The following UGT2B7 variants were observed in gnomAD, a reference collection of about 807,000 sequenced individuals.
The protein encoded by UGT2B7 is UDP-glucuronosyltransferase 2B7.
Under a neutral mutation model 51.9 loss-of-function variants are expected in UGT2B7, and 51 were observed. That is an observed-to-expected ratio of 0.98 (90% CI 0.78 to 1.24). The LOEUF (loss-of-function observed/expected upper bound fraction) is 1.24. Ranked by LOEUF, UGT2B7 falls within the 50% of genes most tolerant of loss-of-function variation. The probability of loss-of-function intolerance (pLI) is 0.00; values close to 1 mark genes in which losing one functional copy is unlikely to be tolerated. For synonymous variants in UGT2B7, 225 were observed against 211.6 expected (o/e 1.06, Z -0.55); for missense variants, 727 against 628.4 (o/e 1.16, Z -1.68).
intron 1 of UGT2B7, among the ~76,000 whole-genome samples, chr4:69,062,926 A>C (rs934527358): frequency 1.4e-4 from 21 of 152,178 alleles, no homozygotes; most frequent in African/African-American, 4.6e-4. Flanking sequence ...TTTACTGTTC[A>C]TGCTGGCTGT....
chr4:69,106,013 C>T (rs1379746199), intron 3 of UGT2B7, among the ~76,000 whole-genome samples: 5 of 151,944 alleles, frequency 3.3e-5, no homozygotes, highest in Admixed American at 2.6e-4. Context: ...AAAATTGTTA[C>T]TATTTTTTAC....
chr4:69,095,737 T>G (rs987063484), upstream of UGT2B7, among the ~76,000 whole-genome samples: 9 of 152,208 alleles, frequency 5.9e-5, no homozygotes, highest in Admixed American at 5.9e-4. Context: ...TAGTGTCATC[T>G]TGAAACTCTC....
chr4:69,072,958 A>C (rs1445348164), intron 1 of UGT2B7, among the ~76,000 whole-genome samples: 1 of 152,142 alleles, frequency 6.6e-6, no homozygotes, highest in Non-Finnish European at 1.5e-5. Flanking sequence ...TTCTTTTGAA[A>C]ATAACATTTT....
intron 1 of UGT2B7, among the ~76,000 whole-genome samples, chr4:69,054,118 A>T (rs550686339): frequency 6.6e-6 from 1 of 152,192 alleles, no homozygotes; most frequent in South Asian, 2.1e-4. Context: ...CATCTATTAC[A>T]ACCAACAGCA....
At chr4:69,109,171 C>T (rs902020557) in intron 5 of UGT2B7, among the ~76,000 whole-genome samples, 1 of 151,794 alleles carries the variant, frequency 6.6e-6, no homozygotes, top group African/African-American at 2.4e-5. Flanking sequence ...GTTCATTGGC[C>T]TTTTGATTGT....
intron 2 of UGT2B7, among the ~76,000 whole-genome samples, chr4:69,100,572 G>GA (rs1273120334): frequency 1.3e-5 from 2 of 151,826 alleles, no homozygotes; most frequent in African/African-American, 4.8e-5. Context: ...TAAGACTAAT[G>GA]AAAAATCTAT....
At chr4:69,062,730 G>A (rs934578326) in intron 1 of UGT2B7, among the ~76,000 whole-genome samples, 2 of 152,246 alleles carry the variant, frequency 1.3e-5, no homozygotes, top group Admixed American at 6.5e-5. Flanking sequence ...ATGCATGGTG[G>A]AAGCTTGAGA....
At chr4:69,057,359 C>G (rs1462883121) in intron 1 of UGT2B7, among the ~76,000 whole-genome samples, 2 of 152,164 alleles carry the variant, frequency 1.3e-5, no homozygotes, top group Non-Finnish European at 2.9e-5. Flanking sequence ...CGCACACTTG[C>G]ATGACTGTGC....
upstream of UGT2B7, among the ~76,000 whole-genome samples, chr4:69,095,186 T>C (rs1719188253): frequency 6.6e-6 from 1 of 152,204 alleles, no homozygotes; most frequent in Admixed American, 6.5e-5. Context: ...GTTTAATAAT[T>C]GCAGGGCACT....
rs764715261 is a variant in UGT2B7, at chr4:69,096,676, G to A, written c.156G>A (p.Glu52=). The change falls in exon 1 of 6, where the codon GAG becomes GAA. Residue 52 remains glutamate, a synonymous_variant. Coordinates refer to ENST00000305231, the MANE Select transcript of UGT2B7 (RefSeq NM_001074.4). ...ILDELIQRGH[E]VTVLASSASI... ...ATGAGCTTATTCAGAGAGGTCATGA[G>A]GTGACTGTACTGGCATCTTCAGCTT... The A allele has an allele frequency of 8.1e-6, 13 of 1,613,924 alleles. No homozygotes were observed. Among genetic ancestry groups the A allele is most frequent in the Middle Eastern group, 1.7e-4 (1 of 6,060 alleles).
Position 69,075,781 on chromosome 4 carries a change from T to C in UGT2B7, c.-158-13691T>C, listed in dbSNP as rs1416548713. ...AATAACTACAAGGATATTTCTTTAT[T>C]GTATTATGTTTATTATACTTTAAGT... On this transcript the variant is annotated intron_variant, in intron 1 of 5. Transcript: ENST00000502942. Among the ~76,000 whole-genome samples the C allele has an allele frequency of 2.0e-5, 3 of 152,182 alleles. No homozygotes were observed. The East Asian group carries it at 5.8e-4, about 29-fold the overall frequency.
At chr4:69,095,518 T>C (rs1719199683), upstream of UGT2B7, among the ~76,000 whole-genome samples, 2 of 152,186 alleles carry the variant, frequency 1.3e-5, no homozygotes, top group South Asian at 4.1e-4. Context: ...CATTTCATAA[T>C]GTTTAAGTTA....
intron 1 of UGT2B7, among the ~76,000 whole-genome samples, chr4:69,070,078 T>C (rs1283155876): frequency 6.6e-6 from 1 of 151,834 alleles, no homozygotes; most frequent in Non-Finnish European, 1.5e-5. Flanking sequence ...AGAAAACCTG[T>C]AATAATTCAA....
chr4:69,084,189 T>C (rs2109875430), intron 1 of UGT2B7, among the ~76,000 whole-genome samples: 1 of 152,264 alleles, frequency 6.6e-6, no homozygotes. Context: ...TTGTTTTGCA[T>C]ATGCTTAACC....
intron 1 of UGT2B7, among the ~76,000 whole-genome samples, chr4:69,054,162 C>T (rs1718119605): frequency 1.3e-5 from 2 of 151,418 alleles, no homozygotes; most frequent in South Asian, 4.2e-4. Flanking sequence ...AAAAAAAACT[C>T]ATGTCGGCCC....
intron 1 of UGT2B7, among the ~76,000 whole-genome samples, chr4:69,060,159 T>C (rs573213751): frequency 2.5e-4 from 38 of 152,308 alleles, no homozygotes; most frequent in Admixed American, 6.5e-4. Flanking sequence ...AGAGGACTGC[T>C]TCGAGGGGAC....
intron 1 of UGT2B7, among the ~76,000 whole-genome samples, chr4:69,064,106 GAA>G (rs1560499790): frequency 1.2e-4 from 14 of 118,356 alleles, no homozygotes; most frequent in East Asian, 7.8e-4. Context: ...GAGAAAGAAA[GAA>G]AGAAAAAGAA....
At chr4:69,105,906 C>A (rs7678656) in intron 3 of UGT2B7, among the ~76,000 whole-genome samples, 89,799 of 151,852 alleles carry the variant, frequency 0.59, 27,906 homozygotes, top group African/African-American at 0.77. Context: ...AACTACTTCC[C>A]AAATTACTCA....
rs996739302 is a variant in UGT2B7 at position 69,102,710 on chromosome 4, T to C, written c.871-97T>C. On this transcript the variant is annotated intron_variant, in intron 2 of 5. Coordinates refer to ENST00000305231, the MANE Select transcript of UGT2B7 (RefSeq NM_001074.4). ...TATTTACTCCAATAATTCCTCAAAA[T>C]ACTGGATTTTCTCTCTTTAGTAATT... 1.2e-5 allele frequency: 19 copies of C among 1,528,624 alleles called. 1 individual carries two copies. In the Middle Eastern group the frequency reaches 9.9e-4, roughly 79 times the overall value. 94.7% of individuals were successfully genotyped at this position (1,528,624 alleles called of 1,614,324 possible). A position where few individuals can be genotyped will look rare whatever the true frequency, so the allele number is the denominator to read the frequency against.
Sources: allele counts gnomAD v4.1 joint callset (sites outside exome capture counted in the v4.1 genomes callset), GRCh38; gene constraint gnomAD v4.1.1; transcripts MANE v1.5; gene names NCBI Gene and HGNC (gene_info 2026-07-23, HGNC 2026-07-21).